RBMS3: variants seen among roughly 807,000 people sequenced by gnomAD.
RBMS3 encodes RNA binding motif single stranded interacting protein 3.
RBMS3 carries 27 observed loss-of-function variants against 66.8 expected under a neutral mutation model. The ratio of observed to expected loss-of-function variants is 0.40; its 90% CI spans 0.30 to 0.56. RBMS3 has a LOEUF of 0.56. RBMS3 is among the 20% of genes least tolerant of loss of function. RBMS3 has a pLI of 0.40. For missense variants in RBMS3, 513 were observed against 549.5 expected, an observed-to-expected ratio of 0.93 and a Z score of 0.66; for synonymous variants, 188 against 183.0, an observed-to-expected ratio of 1.03 and a Z score of -0.22.
chr3:29,548,703 G>T (rs570836383), intron 3 of RBMS3, among the ~76,000 whole-genome samples: 1 of 151,680 alleles, frequency 6.6e-6, no homozygotes, highest in Non-Finnish European at 1.5e-5. Flanking sequence ...TAGTATTAAA[G>T]CTTCAAGTCA....
At chr3:29,405,429 C>T (rs1158791206) in intron 1 of RBMS3, among the ~76,000 whole-genome samples, 2 of 152,134 alleles carry the variant, frequency 1.3e-5, no homozygotes, top group South Asian at 2.1e-4. Context: ...TGTTTTTCCA[C>T]CACTACTTCT....
chr3:29,499,253 C>A (rs189748197), intron 3 of RBMS3, among the ~76,000 whole-genome samples: 2 of 151,438 alleles, frequency 1.3e-5, no homozygotes, highest in Admixed American at 1.3e-4. Context: ...TCATCATTTG[C>A]TTTGGTGCTA....
chr3:29,321,640 A>G (rs2035012559), intron 1 of RBMS3, among the ~76,000 whole-genome samples: 2 of 152,278 alleles, frequency 1.3e-5, no homozygotes, highest in Admixed American at 1.3e-4. Context: ...TCTGTGTAAG[A>G]TGAACACCAA....
At chr3:29,551,362 T>A (rs994390043) in intron 3 of RBMS3, among the ~76,000 whole-genome samples, 8 of 152,216 alleles carry the variant, frequency 5.3e-5, no homozygotes, top group Non-Finnish European at 1.2e-4. Context: ...CAGATAAATT[T>A]GTCAAGAGAG....
At chr3:29,497,020 T>C (rs557357506) in intron 3 of RBMS3, among the ~76,000 whole-genome samples, 1 of 118,406 alleles carries the variant, frequency 8.4e-6, no homozygotes, top group Non-Finnish European at 1.7e-5. Context: ...TGGGAAAACT[T>C]TTTTTTTTTT....
chr3:29,316,775 A>G (rs1481373215), intron 1 of RBMS3, among the ~76,000 whole-genome samples: 1 of 151,674 alleles, frequency 6.6e-6, no homozygotes, highest in Non-Finnish European at 1.5e-5. Flanking sequence ...ATTCCGGACT[A>G]TATACTTCTT....
intron 4 of RBMS3, among the ~76,000 whole-genome samples, chr3:29,726,918 A>G (rs2053906306): frequency 6.6e-6 from 1 of 152,218 alleles, no homozygotes; most frequent in Admixed American, 6.5e-5. Context: ...GACAATCCTA[A>G]GCAAAATGAA....
At chr3:29,665,642 GC>G (rs1390758760) in intron 4 of RBMS3, among the ~76,000 whole-genome samples, 1 of 152,024 alleles carries the variant, frequency 6.6e-6, no homozygotes, top group African/African-American at 2.4e-5. Context: ...TGCCAACATT[GC>G]CCTTTTAGGC....
chr3:29,898,590 G>T (rs561602899), intron 9 of RBMS3, among the ~76,000 whole-genome samples: 159 of 151,630 alleles, frequency 1.0e-3, no homozygotes, highest in Non-Finnish European at 1.7e-3. Context: ...AAACATATCC[G>T]TGGGCAAATG....
chr3:29,522,801 G>C (rs1484475563), intron 3 of RBMS3, among the ~76,000 whole-genome samples: 1 of 152,126 alleles, frequency 6.6e-6, no homozygotes, highest in Non-Finnish European at 1.5e-5. Context: ...AGATTTGCAG[G>C]ATACAGAGCA....
chr3:29,285,278 G>T (rs1413988166), intron 1 of RBMS3, among the ~76,000 whole-genome samples: 2 of 149,564 alleles, frequency 1.3e-5, no homozygotes, highest in Non-Finnish European at 3.0e-5. Context: ...GGGGGTGGAT[G>T]GGGGGTTCTT....
intron 4 of RBMS3, among the ~76,000 whole-genome samples, chr3:29,624,772 A>G (rs1011170984): frequency 6.6e-6 from 1 of 152,216 alleles, no homozygotes; most frequent in East Asian, 1.9e-4. Context: ...TTTTCAGTAT[A>G]TGATGATACC....
chr3:29,878,397 G>C (rs979289430), intron 7 of RBMS3, among the ~76,000 whole-genome samples: 2 of 152,084 alleles, frequency 1.3e-5, no homozygotes, highest in African/African-American at 4.8e-5. Context: ...CAATTTCTCA[G>C]CCAGGGTGTA....
intron 2 of RBMS3, among the ~76,000 whole-genome samples, chr3:29,442,985 A>G (rs925654508): frequency 6.6e-6 from 1 of 152,106 alleles, no homozygotes; most frequent in Non-Finnish European, 1.5e-5. Flanking sequence ...AACATCAGCT[A>G]TTCTAATGAC....
intron 2 of RBMS3, among the ~76,000 whole-genome samples, chr3:29,459,694 A>G (rs2042307770): frequency 2.0e-5 from 3 of 152,198 alleles, no homozygotes; most frequent in Non-Finnish European, 4.4e-5. Context: ...GAACCAAGGG[A>G]AGGACATAAT....
At chr3:29,348,879 G>A (rs548186552) in intron 1 of RBMS3, among the ~76,000 whole-genome samples, 1 of 152,164 alleles carries the variant, frequency 6.6e-6, no homozygotes, top group Non-Finnish European at 1.5e-5. Context: ...GCCCAAGTCT[G>A]CAGTAGAAGG....
At chr3:29,594,788 A>G (rs558653960) in intron 4 of RBMS3, among the ~76,000 whole-genome samples, 1 of 152,162 alleles carries the variant, frequency 6.6e-6, no homozygotes, top group East Asian at 1.9e-4. Flanking sequence ...GTCAGGGTTG[A>G]TCTTAATCCT....
At chr3:29,301,456 CT>C (rs1284798992) in intron 1 of RBMS3, among the ~76,000 whole-genome samples, 1 of 151,980 alleles carries the variant, frequency 6.6e-6, no homozygotes, top group Non-Finnish European at 1.5e-5. Flanking sequence ...AATTTAACCC[CT>C]CTTAACGTCT....
At chr3:29,396,027 T>C (rs1309950327) in intron 1 of RBMS3, among the ~76,000 whole-genome samples, 1 of 152,092 alleles carries the variant, frequency 6.6e-6, no homozygotes, top group Non-Finnish European at 1.5e-5. Context: ...AGCTGAAAAA[T>C]TGTAACTATA....
Sources: allele counts gnomAD v4.1 joint callset (sites outside exome capture counted in the v4.1 genomes callset), GRCh38; gene constraint gnomAD v4.1.1; transcripts MANE v1.5; gene names NCBI Gene and HGNC (gene_info 2026-07-23, HGNC 2026-07-21).